Variants in IGSF5 observed in about 807,000 individuals in gnomAD.
IGSF5 encodes immunoglobulin superfamily member 5.
A neutral mutation model predicts 39.4 loss-of-function variants in IGSF5; 41 were observed. The ratio of observed to expected loss-of-function variants is 1.04; its 90% CI spans 0.81 to 1.35. The LOEUF (loss-of-function observed/expected upper bound fraction) is 1.35, where lower values mean the gene tolerates loss of function less well. Ranked by LOEUF, IGSF5 falls within the 40% of genes most tolerant of loss-of-function variation. IGSF5 has a pLI of 0.00. For missense variants in IGSF5, 487 were observed against 494.6 expected (o/e 0.98, Z 0.15); for synonymous variants, 183 against 175.3 (o/e 1.04, Z -0.34).
At position 39,765,572 on chromosome 21, in the gene IGSF5, A is replaced by G. The variant is rs12626544; in HGVS notation, c.138A>G (p.Gln46=). Residue 46 remains glutamine, a synonymous_variant, in exon 3 of 9, where the codon CAA becomes CAG. Coordinates refer to ENST00000380588, the MANE Select transcript of IGSF5 (RefSeq NM_001080444.2). ...GSGNEVIEGP[Q]NARVLKGSQA... is the part of the protein sequence containing the mutation. The stretch of plus-strand genomic sequence containing the variant: ...GTAATGAAGTCATAGAAGGCCCCCA[A>G]AATGCAAGAGTCCTGAAGGGCTCCC... 585,092 of 1,612,696 alleles carry G rather than the reference A, an allele frequency of 0.36. 110,487 individuals carry two copies. The highest frequency in any genetic ancestry group is 0.58 in the Admixed American group (34,816 of 59,964).
chr21:39,747,100 C>T (rs192341900), intron 2 of IGSF5, among the ~76,000 whole-genome samples: 20 of 152,306 alleles, frequency 1.3e-4, no homozygotes, highest in African/African-American at 4.6e-4. Flanking sequence ...TCTGTTTTCA[C>T]GCTGCTGAAG....
chr21:39,796,650 G>T (rs1404760617), intron 8 of IGSF5, among the ~76,000 whole-genome samples: 1 of 152,172 alleles, frequency 6.6e-6, no homozygotes, highest in East Asian at 1.9e-4. Flanking sequence ...CAGAGCTGGG[G>T]CCCAGCAGGG....
rs530824354 is a variant in IGSF5, at chr21:39,755,956, A to C, written c.101-9579A>C. On this transcript the variant is annotated intron_variant, in intron 2 of 8. Coordinates refer to ENST00000380588, the MANE Select transcript of IGSF5 (RefSeq NM_001080444.2). ...CCATCTCTACTAAAAATACAAAAAA[A>C]ATTAGCCAGGCGTACTTCCAGCTAC... Among the ~76,000 whole-genome samples the C allele has an allele frequency of 2.0e-5, 3 of 151,284 alleles. No individual in the cohort carries two copies. The South Asian group carries it at 6.3e-4, about 32-fold the overall frequency.
chr21:39,784,364 T>A (rs16998479), intron 5 of IGSF5, among the ~76,000 whole-genome samples: 1 of 152,194 alleles, frequency 6.6e-6, no homozygotes, highest in Non-Finnish European at 1.5e-5. Flanking sequence ...TACATCCTGG[T>A]TCCCTTCAGC....
At chr21:39,765,290 A>G (rs1394567975) in intron 2 of IGSF5, among the ~76,000 whole-genome samples, 4 of 152,216 alleles carry the variant, frequency 2.6e-5, no homozygotes, top group African/African-American at 9.6e-5. Flanking sequence ...GTTTTGAGGA[A>G]TACTATTCAA....
intron 5 of IGSF5, among the ~76,000 whole-genome samples, chr21:39,783,435 G>A (rs978653515): frequency 1.3e-5 from 2 of 151,996 alleles, no homozygotes; most frequent in African/African-American, 4.8e-5. Context: ...ATCTCATTGT[G>A]GTTTTGATTT....
the IGSF5 span, among the ~76,000 whole-genome samples, chr21:39,739,612 G>A: frequency 7.2e-5 from 11 of 152,086 alleles, no homozygotes; most frequent in East Asian, 1.9e-3. Context: ...CTCTCAACAG[G>A]AAAACCCAAG....
Position 39,771,055 on chromosome 21 carries a change from C to A in IGSF5, c.558C>A (p.Ser186Arg). 1 of 1,613,760 alleles carries A rather than the reference C, an allele frequency of 6.2e-7. No homozygotes were observed. Among genetic ancestry groups the A allele is most frequent in the Non-Finnish European group, 8.5e-7 (1 of 1,179,880 alleles). ...TCGGTCTCCTGGTCAGCCATTCAAG[C>A]TATTATTTTGTTCCGGAGCCCAGCG... ...WELGLLVSHS[S>R]YYFVPEPSDL... Residue 186 changes from serine (S) to arginine (R), a missense_variant, in exon 4 of 9, where the codon AGC becomes AGA. Ser to Arg is a moderately radical substitution (Grantham distance 110). Coordinates refer to ENST00000380588, the MANE Select transcript of IGSF5 (RefSeq NM_001080444.2).
chr21:39,774,713 G>A (rs796068632), intron 4 of IGSF5, among the ~76,000 whole-genome samples: 11 of 152,326 alleles, frequency 7.2e-5, no homozygotes, highest in African/African-American at 2.6e-4. Flanking sequence ...GCACTTATTT[G>A]TGTGTAGGTT....
At chr21:39,727,515 C>A in the IGSF5 span, among the ~76,000 whole-genome samples, 109 of 152,300 alleles carry the variant, frequency 7.2e-4, no homozygotes, top group Middle Eastern at 3.4e-3. Context: ...CACAAGGCAA[C>A]CAAGAGCTCA....
chr21:39,751,563 C>T (rs1294923017), intron 2 of IGSF5, among the ~76,000 whole-genome samples: 2 of 148,332 alleles, frequency 1.3e-5, no homozygotes, highest in Non-Finnish European at 3.0e-5. Flanking sequence ...GTGTCGCTTT[C>T]ACAGTGAACT....
chr21:39,749,282 C>A (rs1319609163), intron 2 of IGSF5, among the ~76,000 whole-genome samples: 2 of 151,520 alleles, frequency 1.3e-5, no homozygotes, highest in Non-Finnish European at 2.9e-5. Flanking sequence ...GCACGATCTC[C>A]ACTCACTGCA....
At chr21:39,756,047 T>G (rs1005509775) in intron 2 of IGSF5, among the ~76,000 whole-genome samples, 28 of 152,014 alleles carry the variant, frequency 1.8e-4, no homozygotes, top group African/African-American at 6.8e-4. Context: ...GCCGAGATCG[T>G]GCCATTGCAC....
chr21:39,725,950 C>T, the IGSF5 span: 1 of 152,188 alleles, frequency 6.6e-6, no homozygotes, highest in Non-Finnish European at 1.5e-5. Context: ...AGCATGGCCT[C>T]AGGAACCTGA....
At chr21:39,741,863 A>T (rs1338537358), upstream of IGSF5, among the ~76,000 whole-genome samples, 3 of 152,070 alleles carry the variant, frequency 2.0e-5, no homozygotes, top group Non-Finnish European at 4.4e-5. Context: ...ATAGAGGAAA[A>T]ACAGCCTCAT....
intron 2 of IGSF5, among the ~76,000 whole-genome samples, chr21:39,750,821 G>C (rs1171010883): frequency 6.6e-6 from 1 of 152,250 alleles, no homozygotes; most frequent in African/African-American, 2.4e-5. Flanking sequence ...CAGCCGCTGG[G>C]CCTTTGCTGG....
At chr21:39,717,433 G>T in the IGSF5 span, among the ~76,000 whole-genome samples, 3 of 152,102 alleles carry the variant, frequency 2.0e-5, no homozygotes, top group African/African-American at 4.8e-5. Context: ...GGTCCAAGAT[G>T]GTATTGCCTA....
At chr21:39,752,969 T>C (rs2080012930) in intron 2 of IGSF5, among the ~76,000 whole-genome samples, 1 of 152,212 alleles carries the variant, frequency 6.6e-6, no homozygotes, top group Non-Finnish European at 1.5e-5. Context: ...ACTCTGCTGA[T>C]TACTTCTTTT....
chr21:39,794,118 G>A (rs934032367), intron 8 of IGSF5, among the ~76,000 whole-genome samples: 2 of 152,170 alleles, frequency 1.3e-5, no homozygotes, highest in African/African-American at 2.4e-5. Flanking sequence ...ATGCTGATAA[G>A]CTTGAGGGCT....
Sources: allele counts gnomAD v4.1 joint callset (sites outside exome capture counted in the v4.1 genomes callset), GRCh38; gene constraint gnomAD v4.1.1; transcripts MANE v1.5; gene names NCBI Gene and HGNC (gene_info 2026-07-23, HGNC 2026-07-21).